The following NUDT3 variants were observed in gnomAD, a reference collection of about 807,000 sequenced individuals.
NUDT3 encodes the protein nudix hydrolase 3, also known as diphosphoinositol polyphosphate phosphohydrolase 1.
In NUDT3, 9 loss-of-function variants were observed where a neutral mutation model predicts 23.6. The observed-to-expected ratio is 0.38, with a 90% CI of 0.23 to 0.66. NUDT3 has a LOEUF of 0.66. NUDT3 is among the 30% of genes least tolerant of loss of function. NUDT3 has a pLI of 0.52. For synonymous variants in NUDT3, 86 were observed against 82.6 expected, an observed-to-expected ratio of 1.04 and a Z score of -0.22; for missense variants, 172 against 218.5, an observed-to-expected ratio of 0.79 and a Z score of 1.34.
At chr6:34,342,425 C>T (rs1202629391) in intron 1 of NUDT3, among the ~76,000 whole-genome samples, 7 of 152,066 alleles carry the variant, frequency 4.6e-5, no homozygotes, top group Non-Finnish European at 7.4e-5. Context: ...AGTTTCTCAC[C>T]CATGAACTGG....
chr6:34,353,550 T>C (rs1764511717), intron 1 of NUDT3, among the ~76,000 whole-genome samples: 1 of 151,916 alleles, frequency 6.6e-6, no homozygotes, highest in Non-Finnish European at 1.5e-5. Flanking sequence ...TAAAGGTGCG[T>C]GCCATCACAT....
chr6:34,350,639 A>G (rs1345013638), intron 1 of NUDT3, among the ~76,000 whole-genome samples: 1 of 150,922 alleles, frequency 6.6e-6, no homozygotes, highest in Admixed American at 6.6e-5. Context: ...CAGAAGTTTC[A>G]GTTTCTAGAG....
At chr6:34,322,476 A>C (rs538097994) in intron 2 of NUDT3, among the ~76,000 whole-genome samples, 2 of 152,064 alleles carry the variant, frequency 1.3e-5, no homozygotes, top group Non-Finnish European at 2.9e-5. Flanking sequence ...TGATCCGCCC[A>C]CCTTGGCCTC....
intron 2 of NUDT3, among the ~76,000 whole-genome samples, chr6:34,324,460 A>G (rs1004466770): frequency 3.3e-5 from 5 of 152,048 alleles, no homozygotes; most frequent in Admixed American, 6.6e-5. Flanking sequence ...GACAGAGTGC[A>G]GTGGCATGAT....
At chr6:34,297,771 T>C (rs1473766218) in intron 2 of NUDT3, among the ~76,000 whole-genome samples, 1 of 131,032 alleles carries the variant, frequency 7.6e-6, no homozygotes, top group Non-Finnish European at 1.6e-5. Flanking sequence ...TTTTTTTTTT[T>C]TTTTTAGTAG....
chr6:34,381,871 G>C (rs536826447), intron 1 of NUDT3, among the ~76,000 whole-genome samples: 2 of 151,688 alleles, frequency 1.3e-5, no homozygotes, highest in Admixed American at 6.6e-5. Flanking sequence ...TCAGGAGTTC[G>C]AGACCAGCCT....
intron 1 of NUDT3, among the ~76,000 whole-genome samples, chr6:34,378,082 A>C (rs1185645407): frequency 6.6e-6 from 1 of 151,822 alleles, no homozygotes; most frequent in African/African-American, 2.4e-5. Context: ...CTAGGCAGGA[A>C]GACTGCTTGA....
intron 2 of NUDT3, among the ~76,000 whole-genome samples, chr6:34,331,869 A>G (rs1007439081): frequency 9.9e-5 from 15 of 151,970 alleles, no homozygotes; most frequent in Non-Finnish European, 2.1e-4. Flanking sequence ...GCAGTCAAAC[A>G]TCTGTGTATA....
Position 34,280,802 on chromosome 6 carries a change from T to C in NUDT3, c.*7951A>G, listed in dbSNP as rs530122947. ...TAGAGCAGTCTAGTCTGAGCCACTG[T>C]GTGATTCCCCAGGGGACTGGTCCCT... On this transcript the variant is annotated 3_prime_UTR_variant, in exon 5 of 5. Coordinates refer to ENST00000607016, the MANE Select transcript of NUDT3 (RefSeq NM_006703.4). 1 of 152,290 alleles carries C rather than the reference T, an allele frequency of 6.6e-6. No individual in the cohort carries two copies. The highest frequency in any genetic ancestry group is 1.9e-4 in the East Asian group (1 of 5,182). The allele number at this position is 152,290 out of a possible 1,614,324, so 9.4% of individuals were successfully genotyped here.
chr6:34,297,730 A>AAAAT (rs61610076), intron 2 of NUDT3, among the ~76,000 whole-genome samples: 2 of 71,980 alleles, frequency 2.8e-5, no homozygotes, highest in Non-Finnish European at 4.6e-5. Context: ...AAAAAAAAAA[A>AAAAT]ATATATATAT....
chr6:34,307,323 A>G (rs996096611), intron 2 of NUDT3, among the ~76,000 whole-genome samples: 3 of 152,208 alleles, frequency 2.0e-5, no homozygotes, highest in Non-Finnish European at 1.5e-5. Context: ...TCATGCCTGC[A>G]ATGCCAGCAC....
At chr6:34,314,773 G>A (rs894182604) in intron 2 of NUDT3, among the ~76,000 whole-genome samples, 2 of 152,018 alleles carry the variant, frequency 1.3e-5, no homozygotes, top group Non-Finnish European at 2.9e-5. Context: ...GTGATTCGGG[G>A]CAAATTAGTC....
At chr6:34,305,441 CT>C (rs1269193818) in intron 2 of NUDT3, among the ~76,000 whole-genome samples, 1 of 152,114 alleles carries the variant, frequency 6.6e-6, no homozygotes, top group Non-Finnish European at 1.5e-5. Flanking sequence ...TCATTTATTT[CT>C]GTCTTCCTAT....
At chr6:34,373,836 G>A (rs1764876059) in intron 1 of NUDT3, among the ~76,000 whole-genome samples, 1 of 152,056 alleles carries the variant, frequency 6.6e-6, no homozygotes. Context: ...TTAAATACTG[G>A]TACTGGGAGT....
At chr6:34,392,186 G>A (rs1177913860) in intron 1 of NUDT3, 78 bp downstream of exon 1, 3 of 1,177,378 alleles carry the variant, frequency 2.5e-6, no homozygotes, top group East Asian at 5.7e-5. Flanking sequence ...ACCCTCCTCC[G>A]GCGGCCGCGC....
chr6:34,319,762 ATATGGGG>A (rs1352405827), intron 2 of NUDT3, among the ~76,000 whole-genome samples: 1 of 152,180 alleles, frequency 6.6e-6, no homozygotes, highest in Non-Finnish European at 1.5e-5. Context: ...TTCCTCTAAC[ATATGGGG>A]TATGACCTTC....
At chr6:34,322,048 G>A (rs993780795) in intron 2 of NUDT3, among the ~76,000 whole-genome samples, 4 of 152,188 alleles carry the variant, frequency 2.6e-5, no homozygotes, top group Non-Finnish European at 5.9e-5. Context: ...GCAGCTAGTG[G>A]ATGCCATACG....
At chr6:34,386,402 T>A (rs1354928502) in intron 1 of NUDT3, among the ~76,000 whole-genome samples, 1 of 152,236 alleles carries the variant, frequency 6.6e-6, no homozygotes, top group South Asian at 2.1e-4. Flanking sequence ...TTGGTCTGTT[T>A]GTTCTTCCAT....
intron 2 of NUDT3, among the ~76,000 whole-genome samples, chr6:34,319,392 A>G (rs1328009083): frequency 6.6e-6 from 1 of 152,190 alleles, no homozygotes; most frequent in Non-Finnish European, 1.5e-5. Context: ...TTTGGGCTCA[A>G]TTGCTAAAGC....
Sources: allele counts gnomAD v4.1 joint callset (sites outside exome capture counted in the v4.1 genomes callset), GRCh38; gene constraint gnomAD v4.1.1; transcripts MANE v1.5; gene names NCBI Gene and HGNC (gene_info 2026-07-23, HGNC 2026-07-21).